The following PARP1 variants were observed in gnomAD, a reference collection of about 807,000 sequenced individuals.
PARP1 encodes the protein poly [ADP-ribose] polymerase 1.
A neutral mutation model predicts 118.7 loss-of-function variants in PARP1; 44 were observed. That is an observed-to-expected ratio of 0.37 (90% CI 0.29 to 0.48). The LOEUF is 0.48. PARP1 is among the 20% of genes least tolerant of loss of function. The pLI is 0.99. For missense variants in PARP1, 1,100 were observed against 1,272.4 expected (o/e 0.86, Z 2.06); for synonymous variants, 492 against 483.2 (o/e 1.02, Z -0.24).
intron 2 of PARP1, chr1:226,402,013 A>C: frequency 6.7e-7 from 1 of 1,491,810 alleles, no homozygotes; most frequent in Non-Finnish European, 9.0e-7. Flanking sequence ...AAGCACCTGG[A>C]AAAACAAAAT....
At chr1:226,379,546 A>C (rs1664564577) in intron 11 of PARP1, 27 bp downstream of exon 11, 1 of 1,590,290 alleles carries the variant, frequency 6.3e-7, no homozygotes, top group African/African-American at 1.3e-5. Context: ...GGCACAGCCC[A>C]CTTTGCTGGC....
At chr1:226,399,231 C>T (rs1664981707) in intron 2 of PARP1, among the ~76,000 whole-genome samples, 1 of 151,934 alleles carries the variant, frequency 6.6e-6, no homozygotes, top group Non-Finnish European at 1.5e-5. Context: ...CACCACCACA[C>T]CGGCTAATTT....
intron 2 of PARP1, chr1:226,393,128 G>A: frequency 1.3e-6 from 1 of 747,406 alleles, no homozygotes. Context: ...TAAATTAAGT[G>A]AATTTAGCAA....
intron 15 of PARP1, among the ~76,000 whole-genome samples, chr1:226,369,549 C>T (rs906292694): frequency 6.6e-6 from 1 of 152,216 alleles, no homozygotes; most frequent in Non-Finnish European, 1.5e-5. Context: ...CTTGAACAAT[C>T]GATTTGAAGT....
intron 12 of PARP1, 109 bp downstream of exon 12, chr1:226,379,033 T>C (rs1388298072): frequency 3.7e-6 from 5 of 1,334,842 alleles, no homozygotes; most frequent in Non-Finnish European, 5.4e-6. Context: ...TTAGATTTCA[T>C]TCCCCAGGCA....
intron 19 of PARP1, 140 bp from the exon 20 acceptor site, chr1:226,364,210 G>GAATTA: frequency 1.2e-6 from 1 of 824,486 alleles, no homozygotes. Context: ...CCCATGGTGA[G>GAATTA]GAAATACCAA....
Position 226,385,334 on chromosome 1 carries a change from C to T in PARP1, c.1011+170G>A, listed in dbSNP as rs528964810. 7.2e-5 allele frequency among the ~76,000 whole-genome samples: 11 copies of T among 152,304 alleles called. 1 individual carries two copies. The highest frequency in any genetic ancestry group is 1.9e-4 in the East Asian group (1 of 5,178). On this transcript the variant is annotated intron_variant, in intron 7 of 22. Coordinates refer to ENST00000366794, the MANE Select transcript of PARP1 (RefSeq NM_001618.4). The stretch of plus-strand genomic sequence containing the variant: ...TAGAGGAGCTTCGGTTCTACATTTG[C>T]GTAGTTTGCAAACATGTAATTTTAT...
chr1:226,399,005 C>A (rs989180645), intron 2 of PARP1, among the ~76,000 whole-genome samples: 2 of 151,830 alleles, frequency 1.3e-5, no homozygotes, highest in Admixed American at 6.6e-5. Flanking sequence ...CTGTGGTAAT[C>A]CAGACAATGG....
chr1:226,371,962 T>C (rs895512340), intron 14 of PARP1, among the ~76,000 whole-genome samples: 1 of 152,238 alleles, frequency 6.6e-6, no homozygotes, highest in Non-Finnish European at 1.5e-5. Flanking sequence ...CTGGGAGCAG[T>C]GGCTCCACAG....
chr1:226,387,065 C>A (rs1422135768), intron 5 of PARP1, among the ~76,000 whole-genome samples: 1 of 152,206 alleles, frequency 6.6e-6, no homozygotes, highest in Non-Finnish European at 1.5e-5. Flanking sequence ...TCACTGCAAC[C>A]TCCACCTTCT....
intron 14 of PARP1, among the ~76,000 whole-genome samples, chr1:226,371,358 C>A (rs1413226662): frequency 6.6e-6 from 1 of 152,190 alleles, no homozygotes; most frequent in Non-Finnish European, 1.5e-5. Context: ...GCATGTCCAG[C>A]ACTTCCTGCA....
At chr1:226,375,351 TCA>T (rs1278690169) in intron 13 of PARP1, among the ~76,000 whole-genome samples, 1 of 152,046 alleles carries the variant, frequency 6.6e-6, no homozygotes, top group South Asian at 2.1e-4. Flanking sequence ...ATGACAACAA[TCA>T]CAGAGGCACA....
At chr1:226,376,324 T>C (rs141452974) in intron 13 of PARP1, among the ~76,000 whole-genome samples, 2 of 152,356 alleles carry the variant, frequency 1.3e-5, no homozygotes, top group Admixed American at 6.5e-5. Flanking sequence ...AAGTTAAAAA[T>C]GTCAACCAAT....
Position 226,379,966 on chromosome 1 carries a change from CCT to C in PARP1, c.1497_1498del (p.Ala501CysfsTer19), listed in dbSNP as rs1664571874. 6.2e-7 allele frequency: 1 copy of C among 1,614,036 alleles called. No individual in the cohort carries two copies. Among genetic ancestry groups the C allele is most frequent in the African/African-American group, 1.3e-5 (1 of 74,922 alleles). ...CTTGCTTTTTTTGGAGAGCGCAGCC[CCT>C]GACTTCCCTCTTGGGGCCACAACTT... On this transcript the variant is annotated frameshift_variant, in exon 10 of 23. Coordinates refer to ENST00000366794, the MANE Select transcript of PARP1 (RefSeq NM_001618.4). LOFTEE classifies it high-confidence loss of function.
chr1:226,399,263 G>A (rs866217600), intron 2 of PARP1, among the ~76,000 whole-genome samples: 2 of 151,630 alleles, frequency 1.3e-5, no homozygotes, highest in African/African-American at 4.8e-5. Flanking sequence ...ATAGAGACAG[G>A]GTTTCACCAT....
At chr1:226,379,533 G>A (rs1410082043) in intron 11 of PARP1, 40 bp downstream of exon 11, 1 of 1,527,244 alleles carries the variant, frequency 6.5e-7, no homozygotes, top group Non-Finnish European at 9.1e-7. Context: ...GGGGTTGGGG[G>A]GCGGCACAGC....
At chr1:226,392,831 C>T in intron 2 of PARP1, 2 of 1,079,094 alleles carry the variant, frequency 1.9e-6, no homozygotes, top group South Asian at 1.6e-5. Flanking sequence ...ATAAAGAGTT[C>T]TGGGGATCAC....
At chr1:226,374,959 C>T (rs1664460001) in intron 13 of PARP1, among the ~76,000 whole-genome samples, 1 of 152,274 alleles carries the variant, frequency 6.6e-6, no homozygotes, top group South Asian at 2.1e-4. Flanking sequence ...CCCCCACTGT[C>T]TGAAGAACCC....
rs748579213 is a variant in PARP1, at chr1:226,402,252, T to C, written c.248A>G (p.Gln83Arg). ...AGCTTCCGCTGTCTTCTTGACTTTC[T>C]GCTGGTCATCCCACCGAAGCTCAGA... is the stretch of plus-strand genomic sequence containing the variant. ...GFSELRWDDQ[Q>R]KVKKTAEAGG... Residue 83 changes from glutamine to arginine, a missense_variant, in exon 2 of 23, where the codon CAG becomes CGG. By Grantham distance (43) the Gln-to-Arg change is conservative. Transcript: ENST00000366794. 2.1e-5 allele frequency: 34 copies of C among 1,614,134 alleles called. No individual in the cohort carries two copies. The highest frequency in any genetic ancestry group is 2.9e-5 in the Non-Finnish European group (34 of 1,180,056).
Sources: allele counts gnomAD v4.1 joint callset (sites outside exome capture counted in the v4.1 genomes callset), GRCh38; gene constraint gnomAD v4.1.1; transcripts MANE v1.5; gene names NCBI Gene and HGNC (gene_info 2026-07-23, HGNC 2026-07-21).